The following NAALADL2 variants were observed in gnomAD, a reference collection of about 807,000 sequenced individuals.
NAALADL2 encodes the protein inactive N-acetylated-alpha-linked acidic dipeptidase-like protein 2.
Under a neutral mutation model 87.2 loss-of-function variants are expected in NAALADL2, and 76 were observed. The ratio of observed to expected loss-of-function variants is 0.87; its 90% CI spans 0.72 to 1.05. NAALADL2 has a LOEUF of 1.05. NAALADL2 is among the 50% of genes least tolerant of loss of function. The probability of loss-of-function intolerance (pLI) is 0.00; values close to 1 mark genes in which losing one functional copy is unlikely to be tolerated. For missense variants in NAALADL2, 1,089 were observed against 945.8 expected (o/e 1.15, Z -1.99); for synonymous variants, 354 against 331.0 (o/e 1.07, Z -0.75).
intron 11 of NAALADL2, among the ~76,000 whole-genome samples, chr3:175,681,018 C>T (rs1482668409): frequency 2.6e-5 from 4 of 152,074 alleles, no homozygotes; most frequent in Non-Finnish European, 5.9e-5. Flanking sequence ...AAGGGTGAAG[C>T]AGGGGAATCA....
rs549224118 is a variant in NAALADL2, at chr3:175,006,465, A to T, written c.44-90325A>T. On this transcript the variant is annotated intron_variant, in intron 1 of 13. Transcript: ENST00000454872. ...TTTGATTGGAACATTATCTAAAGTT[A>T]CCTGTGTGTCTTTCTGTCAAAGTTA... Among the ~76,000 whole-genome samples, 12 of 152,294 alleles carry T rather than the reference A, an allele frequency of 7.9e-5. No individual in the cohort carries two copies. The East Asian group carries it at 2.3e-3, about 29-fold the overall frequency.
chr3:175,002,002 A>G (rs1485984902), intron 1 of NAALADL2, among the ~76,000 whole-genome samples: 1 of 152,166 alleles, frequency 6.6e-6, no homozygotes, highest in African/African-American at 2.4e-5. Flanking sequence ...AAATTTCCCT[A>G]TGCAAGCATG....
At chr3:175,323,143 G>T (rs1181157176) in intron 4 of NAALADL2, among the ~76,000 whole-genome samples, 186 of 148,132 alleles carry the variant, frequency 1.3e-3, no homozygotes, top group African/African-American at 4.4e-3. Flanking sequence ...ATACACCATG[G>T]AATACTATGC....
At chr3:175,764,420 G>A (rs911655261) in intron 13 of NAALADL2, among the ~76,000 whole-genome samples, 17 of 151,478 alleles carry the variant, frequency 1.1e-4, no homozygotes, top group African/African-American at 4.1e-4. Flanking sequence ...GTGTGTCTCT[G>A]ACATTGTGTC....
chr3:174,709,525 A>C (rs1409662524), intron 2 of NAALADL2, among the ~76,000 whole-genome samples: 1 of 152,152 alleles, frequency 6.6e-6, no homozygotes, highest in East Asian at 1.9e-4. Context: ...TATTATCAAA[A>C]TTTGTATTCT....
At chr3:175,402,274 C>A (rs1253317010) in intron 5 of NAALADL2, among the ~76,000 whole-genome samples, 1 of 152,020 alleles carries the variant, frequency 6.6e-6, no homozygotes, top group Non-Finnish European at 1.5e-5. Context: ...TTTAATGTGA[C>A]AGATGATTAC....
intron 1 of NAALADL2, among the ~76,000 whole-genome samples, chr3:174,469,225 A>C (rs1042563137): frequency 1.3e-5 from 2 of 151,732 alleles, no homozygotes; most frequent in African/African-American, 4.8e-5. Flanking sequence ...ATTTATTAGA[A>C]ATGTGGTATG....
intron 1 of NAALADL2, among the ~76,000 whole-genome samples, chr3:174,899,087 T>C (rs1731987398): frequency 6.6e-6 from 1 of 152,146 alleles, no homozygotes; most frequent in South Asian, 2.1e-4. Context: ...GAAAACAGTT[T>C]ACAAAAAAGA....
At chr3:174,632,806 G>A (rs970924484) in intron 2 of NAALADL2, among the ~76,000 whole-genome samples, 16 of 151,698 alleles carry the variant, frequency 1.1e-4, no homozygotes, top group East Asian at 3.9e-4. Flanking sequence ...GTGGTGGTGC[G>A]TGCCTCTAAT....
At chr3:175,517,972 T>C (rs991839303) in intron 9 of NAALADL2, among the ~76,000 whole-genome samples, 3 of 152,146 alleles carry the variant, frequency 2.0e-5, no homozygotes, top group East Asian at 3.9e-4. Context: ...GGCTTTCCAC[T>C]TGGCCAGTGC....
chr3:174,503,496 A>G (rs1719030762), intron 1 of NAALADL2, among the ~76,000 whole-genome samples: 1 of 152,200 alleles, frequency 6.6e-6, no homozygotes, highest in South Asian at 2.1e-4. Flanking sequence ...GACTTAATGT[A>G]CTTTACAGAT....
chr3:175,355,454 A>G (rs756033084), intron 5 of NAALADL2, among the ~76,000 whole-genome samples: 2 of 152,180 alleles, frequency 1.3e-5, no homozygotes, highest in African/African-American at 2.4e-5. Flanking sequence ...TATTGTAGGC[A>G]CTGTGGAAGA....
chr3:174,630,989 A>C (rs1036003187), intron 2 of NAALADL2, among the ~76,000 whole-genome samples: 7 of 152,146 alleles, frequency 4.6e-5, no homozygotes, highest in African/African-American at 7.2e-5. Flanking sequence ...ACACCACTCC[A>C]GAAGAGCCTG....
intron 4 of NAALADL2, among the ~76,000 whole-genome samples, chr3:175,317,130 A>G (rs1328148609): frequency 6.6e-6 from 1 of 152,200 alleles, no homozygotes; most frequent in East Asian, 1.9e-4. Flanking sequence ...CATCAGCTAT[A>G]GAAAAATTCA....
chr3:175,467,261 G>T, intron 8 of NAALADL2, 77 bp downstream of exon 8: 1 of 1,240,646 alleles, frequency 8.1e-7, no homozygotes, highest in Non-Finnish European at 1.1e-6. Context: ...AATTTTCAAA[G>T]CCAAGGGCAA....
At chr3:175,784,354 A>G (rs1250623650) in intron 13 of NAALADL2, among the ~76,000 whole-genome samples, 23 of 151,398 alleles carry the variant, frequency 1.5e-4, no homozygotes, top group Non-Finnish European at 2.2e-4. Flanking sequence ...TGGTTGGTAA[A>G]CTATTGATTA....
intron 4 of NAALADL2, among the ~76,000 whole-genome samples, chr3:175,307,681 A>T (rs1757885781): frequency 6.6e-6 from 1 of 152,174 alleles, no homozygotes; most frequent in Non-Finnish European, 1.5e-5. Flanking sequence ...AGGGAATTGC[A>T]GTTCAATTTC....
chr3:175,123,212 T>G (rs1726408844), intron 2 of NAALADL2, among the ~76,000 whole-genome samples: 1 of 151,942 alleles, frequency 6.6e-6, no homozygotes, highest in African/African-American at 2.4e-5. Flanking sequence ...ACAAAATCAC[T>G]TGGAAAAGTC....
At chr3:174,777,974 A>T (rs1475626404) in intron 3 of NAALADL2, among the ~76,000 whole-genome samples, 1 of 152,148 alleles carries the variant, frequency 6.6e-6, no homozygotes, top group Non-Finnish European at 1.5e-5. Context: ...AGGAATAAAT[A>T]TGCATATCTT....
Sources: gnomAD v4.1 joint callset for allele counts (sites outside exome capture counted in the v4.1 genomes callset) on GRCh38, gnomAD v4.1.1 for gene constraint, MANE v1.5 for transcripts, NCBI Gene and HGNC (gene_info 2026-07-23, HGNC 2026-07-21) for gene names.